Variants in CTNNAL1 observed in about 807,000 individuals in gnomAD.
CTNNAL1 encodes the protein catenin alpha like 1, also known as alpha-catulin.
A neutral mutation model predicts 93.6 loss-of-function variants in CTNNAL1; 69 were observed. That is an observed-to-expected ratio of 0.74 (90% CI 0.61 to 0.90). The LOEUF is 0.90. Among genes scored for constraint, CTNNAL1 ranks in the 40% least tolerant of loss-of-function variants. The pLI, the probability that CTNNAL1 is intolerant of heterozygous loss-of-function variation, is 0.00. For missense variants in CTNNAL1, 836 were observed against 862.0 expected (o/e 0.97, Z 0.38); for synonymous variants, 286 against 305.4 (o/e 0.94, Z 0.66).
chr9:108,972,802 T>A lies in CTNNAL1; in HGVS notation c.1220A>T (p.Asp407Val), dbSNP rs781361957. The A allele has an allele frequency of 3.5e-6, 5 of 1,414,346 alleles. No individual in the cohort carries two copies. The African/African-American group carries it at 7.7e-5, about 22-fold the overall frequency. The allele number at this position is 1,414,346 out of a possible 1,614,324, so 87.6% of individuals were successfully genotyped here. A position where few individuals can be genotyped will look rare whatever the true frequency, so the allele number is the denominator to read the frequency against. ...ATGATCAGCATGGTATTTTAATAGA[T>A]CTGCTGCCAGCTGTGTCGCTGTACT... ...LHSTATQLAA[D>V]LLKYHADHVV... The change falls in exon 9 of 19, where the codon GAT becomes GTT. Residue 407 changes from aspartate to valine, a missense_variant. Transcript: ENST00000325551.
At chr9:108,982,787 G>T (rs928119943) in intron 6 of CTNNAL1, among the ~76,000 whole-genome samples, 1 of 152,152 alleles carries the variant, frequency 6.6e-6, no homozygotes, top group African/African-American at 2.4e-5. Context: ...CTTTAAAATG[G>T]AAAGAAAAGA....
chr9:108,992,010 G>C (rs752177062), intron 3 of CTNNAL1: 1 of 748,588 alleles, frequency 1.3e-6, no homozygotes, highest in East Asian at 2.5e-5. Context: ...TTTTGTAGTT[G>C]TGGATAATTA....
intron 14 of CTNNAL1, among the ~76,000 whole-genome samples, chr9:108,949,476 G>C (rs1830496238): frequency 6.6e-6 from 1 of 152,218 alleles, no homozygotes; most frequent in African/African-American, 2.4e-5. Context: ...GGGAGGCCAA[G>C]GTGGGCAGAT....
intron 15 of CTNNAL1, among the ~76,000 whole-genome samples, chr9:108,945,110 C>T (rs368431032): frequency 2.0e-5 from 3 of 152,318 alleles, no homozygotes; most frequent in Admixed American, 6.5e-5. Flanking sequence ...TTAAAACTAC[C>T]TGAAAGCTGG....
intron 2 of CTNNAL1, among the ~76,000 whole-genome samples, chr9:108,995,161 C>G (rs764378006): frequency 1.3e-5 from 2 of 152,100 alleles, no homozygotes; most frequent in Non-Finnish European, 2.9e-5. Flanking sequence ...AAATAGGTAG[C>G]TAATACAGAG....
Position 108,999,488 on chromosome 9 carries a change from C to A in CTNNAL1, c.142-232G>T, listed in dbSNP as rs369590864. 3.3e-5 allele frequency among the ~76,000 whole-genome samples: 5 copies of A among 152,286 alleles called. No individual in the cohort carries two copies. In the East Asian group the frequency reaches 9.6e-4, roughly 29 times the overall value. On this transcript the variant is annotated intron_variant, in intron 1 of 18. Transcript: ENST00000325551. ...CCTGAGGGCAGTTATCTGGGGCATG[C>A]AGTTTATCTGGGGCATACAGTTCCA...
At chr9:108,953,551 T>G (rs935792209) in intron 12 of CTNNAL1, among the ~76,000 whole-genome samples, 14 of 152,174 alleles carry the variant, frequency 9.2e-5, no homozygotes, top group African/African-American at 2.9e-4. Flanking sequence ...ACACTTAGCT[T>G]AGGAAGGAAA....
At chr9:109,008,429 G>A (rs1827103116) in intron 1 of CTNNAL1, among the ~76,000 whole-genome samples, 1 of 152,154 alleles carries the variant, frequency 6.6e-6, no homozygotes, top group African/African-American at 2.4e-5. Flanking sequence ...TTACAGGCGT[G>A]AGCCACCACG....
chr9:108,958,271 A>G (rs1265396215), intron 11 of CTNNAL1, among the ~76,000 whole-genome samples: 1 of 152,172 alleles, frequency 6.6e-6, no homozygotes, highest in Non-Finnish European at 1.5e-5. Flanking sequence ...TTGGGGCAAA[A>G]CCAACTGTTT....
At chr9:108,986,116 T>C (rs1203744825) in intron 4 of CTNNAL1, among the ~76,000 whole-genome samples, 2 of 151,422 alleles carry the variant, frequency 1.3e-5, no homozygotes, top group Non-Finnish European at 2.9e-5. Flanking sequence ...CATGCTGGTG[T>C]GCTGCACCCA....
chr9:108,961,481 T>C (rs1237901289), intron 11 of CTNNAL1, among the ~76,000 whole-genome samples: 1 of 152,184 alleles, frequency 6.6e-6, no homozygotes, highest in Admixed American at 6.5e-5. Flanking sequence ...AGAGAGGCAC[T>C]TTCCCAGTGA....
At chr9:108,960,870 G>C (rs906623484) in intron 11 of CTNNAL1, among the ~76,000 whole-genome samples, 4 of 152,188 alleles carry the variant, frequency 2.6e-5, no homozygotes, top group Admixed American at 2.6e-4. Context: ...AGGCAGAATG[G>C]GATGAAAGCA....
intron 1 of CTNNAL1, 34 bp from the exon 2 acceptor site, chr9:108,999,290 A>C: frequency 1.3e-6 from 2 of 1,558,998 alleles, no homozygotes; most frequent in Non-Finnish European, 1.7e-6. Context: ...CTTTTATCTC[A>C]ATACCTTTTC....
At chr9:109,005,944 T>C (rs1015598000) in intron 1 of CTNNAL1, among the ~76,000 whole-genome samples, 6 of 152,242 alleles carry the variant, frequency 3.9e-5, no homozygotes, top group African/African-American at 1.2e-4. Flanking sequence ...AGTATGCCTT[T>C]AAAATTTTAT....
chr9:108,951,450 A>AT (rs903969933), intron 14 of CTNNAL1, among the ~76,000 whole-genome samples: 1 of 152,194 alleles, frequency 6.6e-6, no homozygotes, highest in African/African-American at 2.4e-5. Context: ...CAAAATCAGA[A>AT]TGAGTAGGAC....
At chr9:108,980,562 G>A (rs1267008545) in intron 6 of CTNNAL1, among the ~76,000 whole-genome samples, 1 of 152,174 alleles carries the variant, frequency 6.6e-6, no homozygotes, top group Non-Finnish European at 1.5e-5. Flanking sequence ...AGATGCCATA[G>A]GAGAGTCCTT....
chr9:108,967,772 G>A lies in CTNNAL1; in HGVS notation c.1441-2244C>T, dbSNP rs564104054. On this transcript the variant is annotated intron_variant, in intron 10 of 18. Coordinates refer to ENST00000325551, the MANE Select transcript of CTNNAL1 (RefSeq NM_003798.4). Reference sequence around the variant, plus strand: ...GTAAGCCAGAGGAACAGACTGACATGAGCAAGAGGAAGGTGGCCAGTGGCC... The same window carrying A: ...GTAAGCCAGAGGAACAGACTGACATAAGCAAGAGGAAGGTGGCCAGTGGCC... Among the ~76,000 whole-genome samples the A allele has an allele frequency of 2.6e-5, 4 of 152,274 alleles. No homozygotes were observed. The South Asian group carries it at 8.3e-4, about 32-fold the overall frequency.
rs762171482 is a variant in CTNNAL1 at position 108,984,470 on chromosome 9, GA to G, written c.640-35del. 5.4e-5 allele frequency: 67 copies of G among 1,248,350 alleles called. No homozygotes were observed. The African/African-American group carries it at 9.8e-4, about 18-fold the overall frequency. The allele number at this position is 1,248,350 out of a possible 1,614,324, so 77.3% of individuals were successfully genotyped here. On this transcript the variant is annotated intron_variant, in intron 4 of 18. Transcript: ENST00000325551. ...GAAATAAAATCACGGAGGAGTCTAA[GA>G]CCATGTGAACAACCCAATTTCTTAA... is the stretch of plus-strand genomic sequence containing the variant.
chr9:109,000,508 A>T (rs187145269), intron 1 of CTNNAL1, among the ~76,000 whole-genome samples: 1 of 152,332 alleles, frequency 6.6e-6, no homozygotes, highest in Non-Finnish European at 1.5e-5. Flanking sequence ...GTAAACAAAA[A>T]ATAAACTTTA....
Sources: allele counts gnomAD v4.1 joint callset (sites outside exome capture counted in the v4.1 genomes callset), GRCh38; gene constraint gnomAD v4.1.1; transcripts MANE v1.5; gene names NCBI Gene and HGNC (gene_info 2026-07-23, HGNC 2026-07-21).